The following CDH12 variants were observed in gnomAD, a reference collection of about 807,000 sequenced individuals.
The protein encoded by CDH12 is cadherin 12.
A neutral mutation model predicts 74.1 loss-of-function variants in CDH12; 41 were observed. The ratio of observed to expected loss-of-function variants is 0.55; its 90% CI spans 0.43 to 0.72. The LOEUF (loss-of-function observed/expected upper bound fraction) is 0.72. Ranked by LOEUF, CDH12 falls within the 30% of genes least tolerant of loss-of-function variation. The pLI is 0.00. For synonymous variants in CDH12, 399 were observed against 355.0 expected (o/e 1.12, Z -1.39); for missense variants, 945 against 977.2 (o/e 0.97, Z 0.44).
intron 6 of CDH12, among the ~76,000 whole-genome samples, chr5:21,887,432 T>C (rs577144411): frequency 1.3e-5 from 2 of 152,148 alleles, no homozygotes; most frequent in Admixed American, 1.3e-4. Context: ...CAAATGAACA[T>C]CAATAGTGAC....
chr5:21,968,961 C>T lies in CDH12; in HGVS notation c.526+6130G>A, dbSNP rs184345467. 5.9e-5 allele frequency among the ~76,000 whole-genome samples: 9 copies of T among 151,474 alleles called. No individual in the cohort carries two copies. The East Asian group carries it at 1.8e-3, about 30-fold the overall frequency. ...CATGGACACAGGGTGGAGAACAATA[C>T]ACACTGAGGCTTGATGGGGGGTGGA... On this transcript the variant is annotated intron_variant, in intron 6 of 14. Transcript: ENST00000382254.
intron 7 of CDH12, among the ~76,000 whole-genome samples, chr5:21,850,820 T>C (rs1266926667): frequency 6.6e-6 from 1 of 151,406 alleles, no homozygotes; most frequent in Non-Finnish European, 1.5e-5. Context: ...TGCAACTCTA[T>C]TCTCACTCAA....
At chr5:22,579,389 TA>T (rs1011639418) in intron 1 of CDH12, among the ~76,000 whole-genome samples, 4 of 152,204 alleles carry the variant, frequency 2.6e-5, no homozygotes, top group Admixed American at 1.3e-4. Context: ...CTTTTAGTCT[TA>T]AAATATTATT....
intron 1 of CDH12, among the ~76,000 whole-genome samples, chr5:22,793,209 A>AT (rs1748008690): frequency 6.6e-6 from 1 of 152,196 alleles, no homozygotes; most frequent in African/African-American, 2.4e-5. Flanking sequence ...AAGTGATCCA[A>AT]TCTTTCAGAG....
intron 6 of CDH12, among the ~76,000 whole-genome samples, chr5:21,880,616 C>CTTCCTTCCTTCCTTCTTTCTCTCTTTCT (rs758455941): frequency 2.4e-4 from 12 of 50,866 alleles, no homozygotes; most frequent in East Asian, 1.9e-3. Context: ...TCCTTCCTTC[C>CTTCCTTCCTTCCTTCTTTCTCTCTTTCT]TTCTTTCTTT....
intron 1 of CDH12, among the ~76,000 whole-genome samples, chr5:22,692,530 T>C (rs1742138251): frequency 6.6e-6 from 1 of 151,902 alleles, no homozygotes; most frequent in South Asian, 2.1e-4. Flanking sequence ...AAAAAAGGAA[T>C]GCAGATCAAA....
At position 21,852,622 on chromosome 5, in the gene CDH12, T is replaced by C. The variant is rs115679257; in HGVS notation, c.646+2049A>G. ...GATATGGTTTTATCCACAGTTATTTTACCAATATTAAATTCTTAATGCTAA... is the reference window on the plus strand; with the variant it reads ...GATATGGTTTTATCCACAGTTATTTCACCAATATTAAATTCTTAATGCTAA... On this transcript the variant is annotated intron_variant, in intron 7 of 14. Coordinates refer to ENST00000382254, the MANE Select transcript of CDH12 (RefSeq NM_004061.5). Among the ~76,000 whole-genome samples, 837 of 151,626 alleles carry C rather than the reference T, an allele frequency of 5.5e-3. 1 individual carries two copies. Among genetic ancestry groups the C allele is most frequent in the Non-Finnish European group, 9.6e-3 (652 of 67,604 alleles).
At chr5:22,280,198 T>A (rs1736815394) in intron 3 of CDH12, among the ~76,000 whole-genome samples, 1 of 152,220 alleles carries the variant, frequency 6.6e-6, no homozygotes, top group African/African-American at 2.4e-5. Context: ...TCTATTCATA[T>A]CCTTTGCCCA....
At chr5:22,549,370 T>C (rs1051008305) in intron 1 of CDH12, among the ~76,000 whole-genome samples, 7 of 152,158 alleles carry the variant, frequency 4.6e-5, no homozygotes, top group African/African-American at 1.7e-4. Context: ...TCCTTTTTTT[T>C]TTCTTGAGGA....
chr5:22,742,651 A>G (rs1400466734), intron 1 of CDH12, among the ~76,000 whole-genome samples: 3 of 151,848 alleles, frequency 2.0e-5, no homozygotes, highest in African/African-American at 7.2e-5. Flanking sequence ...ATTAACAGAC[A>G]TATATCAATA....
intron 1 of CDH12, among the ~76,000 whole-genome samples, chr5:22,784,244 T>C (rs925545385): frequency 6.6e-6 from 1 of 152,126 alleles, no homozygotes; most frequent in African/African-American, 2.4e-5. Flanking sequence ...TAATGTTATA[T>C]CACTAGCAGA....
rs186765966 is a variant in CDH12 at position 22,013,804 on chromosome 5, C to T, written c.232-38419G>A. Reference sequence around the variant, plus strand: ...TTTTTTCTTATTGTGAAGATGTTTTCGTAAATCTCATCTTTTTAAAGTGTC... The same window carrying T: ...TTTTTTCTTATTGTGAAGATGTTTTTGTAAATCTCATCTTTTTAAAGTGTC... On this transcript the variant is annotated intron_variant, in intron 5 of 14. Transcript: ENST00000382254. 1.8e-3 allele frequency among the ~76,000 whole-genome samples: 270 copies of T among 152,066 alleles called. 1 individual carries two copies. The highest frequency in any genetic ancestry group is 6.3e-3 in the African/African-American group (261 of 41,504).
chr5:21,839,262 C>G (rs2149982258), intron 8 of CDH12, among the ~76,000 whole-genome samples: 1 of 152,108 alleles, frequency 6.6e-6, no homozygotes, highest in Admixed American at 6.5e-5. Flanking sequence ...TCCTTAATAA[C>G]AAAATAAGGA....
intron 2 of CDH12, among the ~76,000 whole-genome samples, chr5:22,425,392 A>AT (rs1012002255): frequency 2.0e-5 from 3 of 150,950 alleles, no homozygotes; most frequent in African/African-American, 7.3e-5. Flanking sequence ...GTACTTATTT[A>AT]TTTTTTACCC....
At position 21,755,640 on chromosome 5, in the gene CDH12, A is replaced by G; in HGVS notation, c.1836T>C (p.Leu612=). ...NVEAIFLPVG[L]STGALIAILL... ...GAATTGCAATCAACGCCCCAGTGCTAAGTCCTACAGGTAGAAAAATTGCTT... is the reference window on the plus strand; with the variant it reads ...GAATTGCAATCAACGCCCCAGTGCTGAGTCCTACAGGTAGAAAAATTGCTT... Residue 612 remains leucine (L), a synonymous_variant, in exon 14 of 15, where the codon CTT becomes CTC. Transcript: ENST00000382254. 3 of 1,613,998 alleles carry G rather than the reference A, an allele frequency of 1.9e-6. No homozygotes were observed. The highest frequency in any genetic ancestry group is 2.5e-6 in the Non-Finnish European group (3 of 1,179,890).
intron 4 of CDH12, among the ~76,000 whole-genome samples, chr5:22,183,474 G>C (rs1749758313): frequency 6.6e-6 from 1 of 152,072 alleles, no homozygotes; most frequent in Non-Finnish European, 1.5e-5. Context: ...AGAAGTTATA[G>C]CACAGACTAC....
intron 6 of CDH12, among the ~76,000 whole-genome samples, chr5:21,947,159 T>C (rs4028778): frequency 6.6e-6 from 1 of 152,218 alleles, no homozygotes; most frequent in Non-Finnish European, 1.5e-5. Flanking sequence ...ACCCTCTTTC[T>C]TTTATAAATT....
At chr5:21,920,020 A>T (rs879858795) in intron 6 of CDH12, among the ~76,000 whole-genome samples, 1 of 152,200 alleles carries the variant, frequency 6.6e-6, no homozygotes, top group Non-Finnish European at 1.5e-5. Context: ...TACTCATTTT[A>T]CTTTGTTTCT....
At chr5:21,901,042 C>T (rs1753361653) in intron 6 of CDH12, among the ~76,000 whole-genome samples, 1 of 152,086 alleles carries the variant, frequency 6.6e-6, no homozygotes, top group Non-Finnish European at 1.5e-5. Flanking sequence ...TGAATTTAAA[C>T]GTTTGATTTA....
Sources: gnomAD v4.1 joint callset for allele counts (sites outside exome capture counted in the v4.1 genomes callset) on GRCh38, gnomAD v4.1.1 for gene constraint, MANE v1.5 for transcripts, NCBI Gene and HGNC (gene_info 2026-07-23, HGNC 2026-07-21) for gene names.